The following ARHGAP35 variants were observed in gnomAD, a reference collection of about 807,000 sequenced individuals.
The protein encoded by ARHGAP35 is Rho GTPase activating protein 35.
Under a neutral mutation model 111.1 loss-of-function variants are expected in ARHGAP35, and 15 were observed. The observed-to-expected ratio is 0.13, with a 90% CI of 0.09 to 0.21. The LOEUF is 0.21. Among genes scored for constraint, ARHGAP35 ranks in the 10% least tolerant of loss-of-function variants. The pLI is 1.00. For missense variants in ARHGAP35, 1,262 were observed against 1,873.0 expected, an observed-to-expected ratio of 0.67 and a Z score of 6.02; for synonymous variants, 643 against 710.3, an observed-to-expected ratio of 0.91 and a Z score of 1.51.
In ARHGAP35 at chr19:46,919,855, A is replaced by G; in HGVS notation, c.1180A>G (p.Ile394Val). 6.2e-7 allele frequency: 1 copy of G among 1,614,082 alleles called. No homozygotes were observed. The highest frequency in any genetic ancestry group is 8.5e-7 in the Non-Finnish European group (1 of 1,179,902). The change falls in exon 2 of 7, where the codon ATT becomes GTT. Residue 394 changes from isoleucine to valine, a missense_variant. Transcript: ENST00000672722. The surrounding 1 kb of genome is among the most constrained non-coding windows in gnomAD (Gnocchi z 6.2). ...EETPWDATSH[I>V]DNMENERIPF... ...GACCCCATGGGATGCCACCAGTCAC[A>G]TTGACAACATGGAAAACGAACGGAT...
intron 2 of ARHGAP35, among the ~76,000 whole-genome samples, chr19:46,925,738 C>T (rs1296715537): frequency 1.3e-5 from 2 of 152,188 alleles, no homozygotes; most frequent in Admixed American, 6.5e-5. Context: ...TCCAGCTCCT[C>T]CGCTTCCTTA....
intron 3 of ARHGAP35, among the ~76,000 whole-genome samples, chr19:46,960,916 C>T (rs1466377384): frequency 8.3e-5 from 12 of 143,820 alleles, no homozygotes; most frequent in African/African-American, 2.3e-4. Context: ...TTTTCAGAGA[C>T]GAAGTCTCAC....
intron 1 of ARHGAP35, among the ~76,000 whole-genome samples, chr19:46,909,940 C>T (rs2051845909): frequency 6.6e-6 from 1 of 151,958 alleles, no homozygotes; most frequent in African/African-American, 2.4e-5. Flanking sequence ...AGCCACCACA[C>T]CCAGCTCAAT....
In ARHGAP35 at chr19:46,920,914, A is replaced by G. The variant is rs1365924848; in HGVS notation, c.2239A>G (p.Asn747Asp). 6.2e-7 allele frequency: 1 copy of G among 1,613,702 alleles called. No individual in the cohort carries two copies. The highest frequency in any genetic ancestry group is 8.5e-7 in the Non-Finnish European group (1 of 1,179,742). ...SAGIGYGRNI[N>D]EKQISQVLKG... ...TGGCATTGGTTACGGACGCAACATT[A>G]ATGAAAAGCAAATCAGTCAAGTTTT... Residue 747 changes from asparagine (N) to aspartate (D), a missense_variant, in exon 2 of 7, where the codon AAT becomes GAT. Asn to Asp is a conservative substitution (Grantham distance 23). Around this residue, in one of 8 missense-constraint regions of ARHGAP35, gnomAD observed 579 missense variants for 716.9 expected, o/e 0.81. Transcript: ENST00000672722. This position sits in a 1 kb window ranked among gnomAD's most constrained non-coding sequence, Gnocchi z 7.0.
At chr19:46,924,140 C>A (rs2056224980) in intron 2 of ARHGAP35, among the ~76,000 whole-genome samples, 1 of 152,154 alleles carries the variant, frequency 6.6e-6, no homozygotes, top group Non-Finnish European at 1.5e-5. Context: ...TCTGAAAGTA[C>A]TGCAGGGACC....
In ARHGAP35 at chr19:47,000,947, T is replaced by G. The variant is rs1440160559; in HGVS notation, c.*259T>G. 2 of 1,519,230 alleles carry G rather than the reference T, an allele frequency of 1.3e-6. No individual in the cohort carries two copies. The highest frequency in any genetic ancestry group is 1.8e-6 in the Non-Finnish European group (2 of 1,136,426). 94.1% of individuals were successfully genotyped at this position (1,519,230 alleles called of 1,614,324 possible). The stretch of plus-strand genomic sequence containing the variant: ...TAGGCAGGCAATGGCTCCAGTGCCC[T>G]CCCTCTGTTCCCTGGACCACCACCC... On this transcript the variant is annotated 3_prime_UTR_variant, in exon 7 of 7. Transcript: ENST00000672722. This position sits in a 1 kb window ranked among gnomAD's most constrained non-coding sequence, Gnocchi z 6.9.
In ARHGAP35 at chr19:47,000,498, A is replaced by G. The variant is rs766689570; in HGVS notation, c.4310A>G (p.Tyr1437Cys). ...ATCCAGCAGTGCCCCTTCTTCTTCT[A>G]CAATCGGCCCATCACCGAGCCCCCC... ...LFIQQCPFFF[Y>C]NRPITEPPGA... Residue 1437 changes from tyrosine (Y) to cysteine (C), a missense_variant, in exon 7 of 7, where the codon TAC (tyrosine) becomes TGC (cysteine). By Grantham distance (194) the Tyr-to-Cys change is radical. Around this residue, in one of 8 missense-constraint regions of ARHGAP35, gnomAD observed 75 missense variants for 87.0 expected, o/e 0.86. Coordinates refer to ENST00000672722, the MANE Select transcript of ARHGAP35 (RefSeq NM_004491.5). The surrounding 1 kb of genome is among the most constrained non-coding windows in gnomAD (Gnocchi z 6.9). 6.2e-7 allele frequency: 1 copy of G among 1,613,564 alleles called. No homozygotes were observed. Among genetic ancestry groups the G allele is most frequent in the Non-Finnish European group, 8.5e-7 (1 of 1,179,814 alleles).
chr19:46,958,039 G>A (rs1320449677), intron 3 of ARHGAP35, among the ~76,000 whole-genome samples: 1 of 152,038 alleles, frequency 6.6e-6, no homozygotes, highest in Non-Finnish European at 1.5e-5. Flanking sequence ...GAGTAGCTGG[G>A]ACTACAGGCC....
In ARHGAP35 at chr19:47,000,428, G is replaced by A. The variant is rs11548676; in HGVS notation, c.4240G>A (p.Ala1414Thr). The change falls in exon 7 of 7, where the codon GCC (alanine) becomes ACC (threonine). Residue 1414 changes from alanine to threonine, a missense_variant. Around this residue, in one of 8 missense-constraint regions of ARHGAP35, gnomAD observed 23 missense variants for 63.9 expected, o/e 0.36. Coordinates refer to ENST00000672722, the MANE Select transcript of ARHGAP35 (RefSeq NM_004491.5). This position sits in a 1 kb window ranked among gnomAD's most constrained non-coding sequence, Gnocchi z 6.9. ...GAGACCTGATTTCAGCACTATGGAC[G>A]CCCTCACAGCCACGCGCACCTACCA... ...LMRPDFSTMD[A>T]LTATRTYQTI... 80 of 1,613,540 alleles carry A rather than the reference G, an allele frequency of 5.0e-5. No individual in the cohort carries two copies. Among genetic ancestry groups the A allele is most frequent in the Non-Finnish European group, 6.4e-5 (76 of 1,179,830 alleles).
intron 1 of ARHGAP35, among the ~76,000 whole-genome samples, chr19:46,864,175 T>C (rs543737837): frequency 3.9e-5 from 6 of 152,350 alleles, no homozygotes; most frequent in Admixed American, 3.3e-4. Flanking sequence ...CGGATGTGAT[T>C]GGATTTTTAG....
intron 1 of ARHGAP35, among the ~76,000 whole-genome samples, chr19:46,868,007 CAG>C (rs1266641107): frequency 6.6e-6 from 1 of 152,186 alleles, no homozygotes. Context: ...GCTGGGATTA[CAG>C]GCGCACGCCC....
chr19:46,996,881 G>T (rs1023694223), intron 5 of ARHGAP35, among the ~76,000 whole-genome samples: 1 of 151,886 alleles, frequency 6.6e-6, no homozygotes, highest in Non-Finnish European at 1.5e-5. Context: ...CCCATGGCCG[G>T]GTGCGGTGGC....
chr19:46,865,243 A>G (rs945656320), intron 1 of ARHGAP35, among the ~76,000 whole-genome samples: 5 of 152,206 alleles, frequency 3.3e-5, no homozygotes, highest in African/African-American at 4.8e-5. Context: ...AACTGCTTTC[A>G]AGGTAGTAAC....
intron 1 of ARHGAP35, among the ~76,000 whole-genome samples, chr19:46,907,587 T>G (rs2056116858): frequency 6.6e-6 from 1 of 151,974 alleles, no homozygotes; most frequent in Non-Finnish European, 1.5e-5. Context: ...CACGCCATTC[T>G]CCTGTCTCAG....
At chr19:46,953,880 G>A (rs899989348) in intron 3 of ARHGAP35, among the ~76,000 whole-genome samples, 6 of 152,110 alleles carry the variant, frequency 3.9e-5, no homozygotes, top group African/African-American at 2.4e-5. Flanking sequence ...GTGCCTCTGC[G>A]TCGTTGTTAA....
rs564179314 is a variant in ARHGAP35 at position 46,947,664 on chromosome 19, T to C, written c.3826+10256T>C. Reference sequence around the variant, plus strand: ...ACCAGCTGGGTGTCCTCCGGTTCAATTCCAAAACCGTCTACCTAGAGATAG... The same window carrying C: ...ACCAGCTGGGTGTCCTCCGGTTCAACTCCAAAACCGTCTACCTAGAGATAG... On this transcript the variant is annotated intron_variant, in intron 3 of 6. Coordinates refer to ENST00000672722, the MANE Select transcript of ARHGAP35 (RefSeq NM_004491.5). The C allele has an allele frequency of 2.0e-5, 3 of 152,222 alleles. No individual in the cohort carries two copies. In the East Asian group the frequency reaches 5.8e-4, roughly 29 times the overall value. 9.4% of individuals were successfully genotyped at this position (152,222 alleles called of 1,614,324 possible). A position where few individuals can be genotyped will look rare whatever the true frequency, so the allele number is the denominator to read the frequency against.
chr19:46,955,203 C>T (rs949097550), intron 3 of ARHGAP35, among the ~76,000 whole-genome samples: 1 of 152,174 alleles, frequency 6.6e-6, no homozygotes, highest in African/African-American at 2.4e-5. Context: ...TAAGCCGCCC[C>T]CGTCCATGTG....
At chr19:46,928,650 C>T (rs529443993) in intron 2 of ARHGAP35, among the ~76,000 whole-genome samples, 36 of 151,968 alleles carry the variant, frequency 2.4e-4, no homozygotes, top group Admixed American at 1.2e-3. Flanking sequence ...CTATGGTCTG[C>T]GCTGGGCGCG....
intron 3 of ARHGAP35, among the ~76,000 whole-genome samples, chr19:46,952,639 A>T (rs17802034): frequency 0.041 from 6,242 of 152,234 alleles, 194 homozygotes; most frequent in East Asian, 0.16. Context: ...TGCCCACCTT[A>T]TTAGGACTAT....
Sources: allele counts gnomAD v4.1 joint callset (sites outside exome capture counted in the v4.1 genomes callset), GRCh38; gene constraint gnomAD v4.1.1; regional missense constraint gnomAD v4.1.1; non-coding constraint Gnocchi (gnomAD v3.1); transcripts MANE v1.5; gene names NCBI Gene and HGNC (gene_info 2026-07-23, HGNC 2026-07-21).